PLAAT3: variants seen among roughly 807,000 people sequenced by gnomAD.
PLAAT3 encodes Ca-independent phospholipase A1/2.
PLAAT3 carries 21 observed loss-of-function variants against 16.7 expected under a neutral mutation model. The observed-to-expected ratio is 1.26, with a 90% CI of 0.89 to 1.81. The LOEUF (loss-of-function observed/expected upper bound fraction) is 1.81, where lower values mean the gene tolerates loss of function less well. Ranked by LOEUF, PLAAT3 falls within the 40% of genes most tolerant of loss-of-function variation. The pLI is 0.00. For synonymous variants in PLAAT3, 76 were observed against 81.7 expected (o/e 0.93, Z 0.38); for missense variants, 219 against 213.7 (o/e 1.02, Z -0.16).
At chr11:63,604,912 G>C (rs2134426712) in intron 2 of PLAAT3, among the ~76,000 whole-genome samples, 1 of 152,162 alleles carries the variant, frequency 6.6e-6, no homozygotes, top group South Asian at 2.1e-4. Context: ...CAAGCAAAAA[G>C]ACTAGAAAGC....
chr11:63,616,042 T>A (rs893280792), upstream of PLAAT3, among the ~76,000 whole-genome samples: 1 of 152,158 alleles, frequency 6.6e-6, no homozygotes, highest in African/African-American at 2.4e-5. Context: ...TATGTATACA[T>A]TGTGGAATAA....
chr11:63,615,795 G>T (rs1022087757), upstream of PLAAT3, among the ~76,000 whole-genome samples: 7 of 151,210 alleles, frequency 4.6e-5, no homozygotes, highest in African/African-American at 7.3e-5. Flanking sequence ...AGCCTCCGGA[G>T]TAGTTGGGAT....
intron 2 of PLAAT3, among the ~76,000 whole-genome samples, chr11:63,610,716 G>A (rs948203956): frequency 2.0e-5 from 3 of 152,152 alleles, no homozygotes; most frequent in Non-Finnish European, 4.4e-5. Context: ...TCAGAGAACA[G>A]GGAAGGCCTA....
At chr11:63,590,032 T>C in intron 4 of PLAAT3, 68 bp downstream of exon 4, 1 of 1,492,188 alleles carries the variant, frequency 6.7e-7, no homozygotes, top group Non-Finnish European at 9.2e-7. Context: ...TCCATAGCCA[T>C]GCCCAGCCTC....
chr11:63,600,376 TA>T (rs1379818799), intron 2 of PLAAT3, among the ~76,000 whole-genome samples: 1 of 152,140 alleles, frequency 6.6e-6, no homozygotes, highest in Non-Finnish European at 1.5e-5. Context: ...TTCCGTTATC[TA>T]AAAAGGAAGA....
intron 1 of PLAAT3, 87 bp from the exon 2 acceptor site, chr11:63,614,155 G>A: frequency 8.9e-7 from 1 of 1,126,130 alleles, no homozygotes; most frequent in South Asian, 1.3e-5. Context: ...GTTGGGCAGG[G>A]CGTGAGAGGC....
At chr11:63,586,165 G>A (rs142796808) in intron 4 of PLAAT3, among the ~76,000 whole-genome samples, 148 of 152,114 alleles carry the variant, frequency 9.7e-4, no homozygotes, top group African/African-American at 3.4e-3. Context: ...AAGGAGTCTC[G>A]CTCTGTTGCC....
intron 4 of PLAAT3, among the ~76,000 whole-genome samples, chr11:63,585,704 T>C (rs1937954138): frequency 1.3e-5 from 2 of 152,198 alleles, no homozygotes; most frequent in African/African-American, 4.8e-5. Flanking sequence ...AGTAGAATTG[T>C]TCATGCTGTT....
At chr11:63,599,160 C>T (rs1162127949) in intron 2 of PLAAT3, among the ~76,000 whole-genome samples, 9 of 152,176 alleles carry the variant, frequency 5.9e-5, no homozygotes, top group African/African-American at 2.2e-4. Context: ...CCTTTAAACC[C>T]CTTTAATGAG....
intron 3 of PLAAT3, among the ~76,000 whole-genome samples, chr11:63,592,982 A>C (rs2134411489): frequency 6.6e-6 from 1 of 152,194 alleles, no homozygotes; most frequent in African/African-American, 2.4e-5. Context: ...AGTATCACTG[A>C]CCTGATGGTC....
intron 2 of PLAAT3, among the ~76,000 whole-genome samples, chr11:63,605,656 C>T (rs1393572426): frequency 3.3e-5 from 5 of 151,774 alleles, no homozygotes; most frequent in Admixed American, 6.6e-5. Context: ...GGGTTCACGC[C>T]ATTCTCCTGC....
At chr11:63,586,224 C>T (rs1937973245) in intron 4 of PLAAT3, among the ~76,000 whole-genome samples, 1 of 152,310 alleles carries the variant, frequency 6.6e-6, no homozygotes, top group African/African-American at 2.4e-5. Flanking sequence ...ACCTCCACCT[C>T]CAGGGTTCAA....
intron 2 of PLAAT3, among the ~76,000 whole-genome samples, chr11:63,600,191 C>T (rs1938389280): frequency 1.3e-5 from 2 of 152,054 alleles, no homozygotes; most frequent in Non-Finnish European, 2.9e-5. Context: ...GCCTTGTTGC[C>T]CAGCTGGTGT....
intron 4 of PLAAT3, among the ~76,000 whole-genome samples, chr11:63,579,846 C>T (rs1937749743): frequency 7.6e-6 from 1 of 130,994 alleles, no homozygotes; most frequent in East Asian, 2.3e-4. Context: ...ACGTTGTACA[C>T]ATGTACCCTA....
chr11:63,590,169 G>T lies in PLAAT3; in HGVS notation c.318C>A (p.Tyr106Ter), dbSNP rs1353106823. The part of the protein sequence containing the change: ...AEELVGQEVL[Y>*]KLTSENCEHF... ...GCTCGCAGTTCTCACTGGTCAGCTT[G>T]TAGAGCACCTCCTGCCCCACCAGCT... Residue 106 changes from tyrosine to a stop codon, truncating the protein, a stop_gained, in exon 4 of 5, where the codon TAC becomes TAA. Coordinates refer to ENST00000415826, the MANE Select transcript of PLAAT3 (RefSeq NM_001128203.2). LOFTEE classifies it high-confidence loss of function. The T allele has an allele frequency of 6.2e-7, 1 of 1,614,102 alleles. No homozygotes were observed. Among genetic ancestry groups the T allele is most frequent in the Non-Finnish European group, 8.5e-7 (1 of 1,180,022 alleles).
At position 63,575,028 on chromosome 11, in the gene PLAAT3, C is replaced by T. The variant is rs751361809; in HGVS notation, c.406G>A (p.Ala136Thr). The change falls in exon 5 of 5, where the codon GCT becomes ACT. Residue 136 changes from alanine to threonine, a missense_variant. Transcript: ENST00000415826. The part of the protein sequence containing the change: ...RSDQVRDVII[A>T]ASVAGMGLAA... ...AAGCCCATTCCTGCAACGCTTGCAG[C>T]GATGATGACATCTCTGACCTGCAAC... The T allele has an allele frequency of 6.2e-7, 1 of 1,610,824 alleles. No individual in the cohort carries two copies. The highest frequency in any genetic ancestry group is 2.2e-5 in the East Asian group (1 of 44,866).
intron 4 of PLAAT3, among the ~76,000 whole-genome samples, chr11:63,577,550 C>CA (rs34229495): frequency 0.41 from 60,459 of 147,770 alleles, 12,314 homozygotes; most frequent in Admixed American, 0.51. Context: ...AAGACAGAGA[C>CA]AAAAAAAAAA....
At chr11:63,583,614 T>C (rs1431581114) in intron 4 of PLAAT3, among the ~76,000 whole-genome samples, 1 of 152,218 alleles carries the variant, frequency 6.6e-6, no homozygotes, top group Non-Finnish European at 1.5e-5. Flanking sequence ...CAGTGCTACC[T>C]TCAGATGCCA....
At chr11:63,582,897 C>T (rs1393904793) in intron 4 of PLAAT3, among the ~76,000 whole-genome samples, 1 of 152,126 alleles carries the variant, frequency 6.6e-6, no homozygotes. Context: ...CTTTGGGAGG[C>T]CGAGGCAGGC....
Sources: gnomAD v4.1 joint callset for allele counts (sites outside exome capture counted in the v4.1 genomes callset) on GRCh38, gnomAD v4.1.1 for gene constraint, MANE v1.5 for transcripts, NCBI Gene and HGNC (gene_info 2026-07-23, HGNC 2026-07-21) for gene names.